VCL: variants seen among roughly 807,000 people sequenced by gnomAD.
VCL encodes vinculin, also known as epididymis luminal protein 114.
A neutral mutation model predicts 125.7 loss-of-function variants in VCL; 47 were observed. The ratio of observed to expected loss-of-function variants is 0.37; its 90% CI spans 0.30 to 0.48. The LOEUF (loss-of-function observed/expected upper bound fraction) is 0.48, where lower values mean the gene tolerates loss of function less well. VCL is among the 20% of genes least tolerant of loss of function. VCL has a pLI of 0.99. For missense variants in VCL, 1,069 were observed against 1,455.5 expected (o/e 0.73, Z 4.32); for synonymous variants, 458 against 514.6 (o/e 0.89, Z 1.49).
chr10:74,032,064 CAAAAAA>C (rs35715975), intron 1 of VCL, among the ~76,000 whole-genome samples: 1 of 21,032 alleles, frequency 4.8e-5, no homozygotes, highest in African/African-American at 2.3e-4. Flanking sequence ...AACTCCATCT[CAAAAAA>C]AAAAAAAAAA....
At chr10:74,058,251 C>CTTCCTTCCCTCCACCTGT (rs1369405389) in intron 2 of VCL, among the ~76,000 whole-genome samples, 5 of 152,208 alleles carry the variant, frequency 3.3e-5, no homozygotes, top group African/African-American at 1.2e-4. Context: ...CATGTTCTCA[C>CTTCCTTCCCTCCACCTGT]TTCCTTCCCT....
At chr10:74,018,507 A>C (rs1211586409) in intron 1 of VCL, among the ~76,000 whole-genome samples, 1 of 152,152 alleles carries the variant, frequency 6.6e-6, no homozygotes, top group Non-Finnish European at 1.5e-5. Context: ...TTAGAGAGGC[A>C]GTGTTTGAAG....
intron 1 of VCL, among the ~76,000 whole-genome samples, chr10:74,011,159 C>G (rs1840427013): frequency 3.1e-5 from 3 of 95,870 alleles, no homozygotes; most frequent in African/African-American, 1.3e-4. Context: ...GAGTGAAACT[C>G]TATCTCAAAA....
chr10:74,011,708 C>T (rs750791817), intron 1 of VCL, among the ~76,000 whole-genome samples: 87 of 152,202 alleles, frequency 5.7e-4, no homozygotes, highest in Non-Finnish European at 4.0e-4. Flanking sequence ...TATACAGTCT[C>T]AAAGAGAAAC....
intron 2 of VCL, among the ~76,000 whole-genome samples, chr10:74,053,573 C>T (rs7901068): frequency 0.028 from 4,309 of 151,774 alleles, 209 homozygotes; most frequent in African/African-American, 0.098. Context: ...ATTTGAATAC[C>T]TTATTTTTAA....
At chr10:74,040,238 G>A (rs903097415) in intron 1 of VCL, among the ~76,000 whole-genome samples, 6 of 152,296 alleles carry the variant, frequency 3.9e-5, no homozygotes, top group Admixed American at 6.5e-5. Context: ...CTACTAGACT[G>A]TAAGTTCCGT....
chr10:74,083,653 T>C (rs1839716716), intron 8 of VCL, 140 bp downstream of exon 8: 2 of 1,049,472 alleles, frequency 1.9e-6, no homozygotes, highest in Non-Finnish European at 2.8e-6. Context: ...TTAAATTCTT[T>C]TGAGATGGAG....
In VCL at chr10:74,101,219, G is replaced by C; in HGVS notation, c.2022+122G>C. On this transcript the variant is annotated intron_variant, in intron 14 of 21. Coordinates refer to ENST00000211998, the MANE Select transcript of VCL (RefSeq NM_014000.3). ...AAAAAAACATATACAGGCCAGCACGGTAGCACCTATAATTCCGGCACTTTG... is the reference window on the plus strand; with the variant it reads ...AAAAAAACATATACAGGCCAGCACGCTAGCACCTATAATTCCGGCACTTTG... The C allele has an allele frequency of 2.9e-6, 4 of 1,373,676 alleles. No homozygotes were observed. In the South Asian group the frequency reaches 5.0e-5, roughly 17 times the overall value. 85.1% of individuals were successfully genotyped at this position (1,373,676 alleles called of 1,614,324 possible). A position where few individuals can be genotyped will look rare whatever the true frequency, so the allele number is the denominator to read the frequency against.
chr10:74,099,069 C>T (rs549868443), intron 13 of VCL, among the ~76,000 whole-genome samples: 23 of 152,224 alleles, frequency 1.5e-4, no homozygotes, highest in Non-Finnish European at 2.5e-4. Flanking sequence ...CCTAGTCCCC[C>T]TAGAGCTATG....
In VCL at chr10:74,030,865, C is replaced by T. The variant is rs1840861932; in HGVS notation, c.169-12218C>T. Among the ~76,000 whole-genome samples, 5 of 152,232 alleles carry T rather than the reference C, an allele frequency of 3.3e-5. No homozygotes were observed. In the South Asian group the frequency reaches 1.0e-3, roughly 32 times the overall value. The stretch of plus-strand genomic sequence containing the variant: ...TATATCCTACTGCTCAAGGTCATCG[C>T]CAAGGTCTGATTTTTCACACAAAAA... On this transcript the variant is annotated intron_variant, in intron 1 of 21. Transcript: ENST00000211998.
intron 8 of VCL, 63 bp from the exon 9 acceptor site, chr10:74,089,133 G>T (rs1564527927): frequency 6.2e-7 from 1 of 1,608,120 alleles, no homozygotes; most frequent in South Asian, 1.1e-5. Context: ...CTGTGCTATT[G>T]GGAATATTTT....
chr10:74,037,042 C>G (rs572600946), intron 1 of VCL, among the ~76,000 whole-genome samples: 19 of 152,108 alleles, frequency 1.2e-4, no homozygotes, highest in African/African-American at 4.3e-4. Context: ...TCCCGAGTAG[C>G]TGGGACTACA....
Position 74,118,331 on chromosome 10 carries a change from C to T in VCL, c.*162C>T. 1 of 843,542 alleles carries T rather than the reference C, an allele frequency of 1.2e-6. No individual in the cohort carries two copies. The highest frequency in any genetic ancestry group is 1.9e-6 in the Non-Finnish European group (1 of 523,424). The allele number at this position is 843,542 out of a possible 1,614,324, so 52.3% of individuals were successfully genotyped here. ...CTCTTCAAATTAGAAGACATTTATA[C>T]TCTTTTTTCATGGACACTTTGAAAT... is the stretch of plus-strand genomic sequence containing the variant. On this transcript the variant is annotated 3_prime_UTR_variant, in exon 22 of 22. Transcript: ENST00000211998.
chr10:74,014,511 A>AGCC (rs1311573653), intron 1 of VCL, among the ~76,000 whole-genome samples: 1 of 151,668 alleles, frequency 6.6e-6, no homozygotes, highest in Non-Finnish European at 1.5e-5. Flanking sequence ...CTGGGATTAC[A>AGCC]GGCATGAGCC....
chr10:74,047,653 G>A (rs1299324391), intron 2 of VCL, among the ~76,000 whole-genome samples: 3 of 152,164 alleles, frequency 2.0e-5, no homozygotes, highest in Non-Finnish European at 4.4e-5. Flanking sequence ...AAGATGTCAA[G>A]GCTAGAGAAA....
At chr10:74,035,850 A>T (rs1326183451) in intron 1 of VCL, among the ~76,000 whole-genome samples, 5 of 152,224 alleles carry the variant, frequency 3.3e-5, no homozygotes, top group Non-Finnish European at 2.9e-5. Flanking sequence ...TGTGTTGAAC[A>T]TGTACAGATT....
intron 6 of VCL, chr10:74,075,182 T>C (rs1008801009): frequency 4.7e-6 from 2 of 426,212 alleles, no homozygotes; most frequent in Non-Finnish European, 8.6e-6. Flanking sequence ...TCTTATTGGT[T>C]GGACTGGTGG....
At chr10:74,079,426 G>A (rs938244794) in intron 6 of VCL, among the ~76,000 whole-genome samples, 8 of 152,296 alleles carry the variant, frequency 5.3e-5, no homozygotes, top group Admixed American at 2.0e-4. Flanking sequence ...AAATGAAGGT[G>A]CAGTTTTTCT....
intron 21 of VCL, among the ~76,000 whole-genome samples, chr10:74,117,581 G>C (rs1419914408): frequency 1.3e-5 from 2 of 151,412 alleles, no homozygotes; most frequent in African/African-American, 4.9e-5. Context: ...TGAGCCCAGG[G>C]GGCAGAGGCT....
Sources: gnomAD v4.1 joint callset for allele counts (sites outside exome capture counted in the v4.1 genomes callset) on GRCh38, gnomAD v4.1.1 for gene constraint, MANE v1.5 for transcripts, NCBI Gene and HGNC (gene_info 2026-07-23, HGNC 2026-07-21) for gene names.